MEGF6: variants seen among roughly 807,000 people sequenced by gnomAD.
MEGF6 encodes the protein multiple EGF like domains 6, also known as multiple epidermal growth factor-like domains protein 6.
In MEGF6, 184 loss-of-function variants were observed where a neutral mutation model predicts 207.1. That is an observed-to-expected ratio of 0.89 (90% CI 0.79 to 1.00). The LOEUF (loss-of-function observed/expected upper bound fraction) is 1.00. Ranked by LOEUF, MEGF6 falls within the 50% of genes least tolerant of loss-of-function variation. The pLI is 0.00. For missense variants in MEGF6, 2,282 were observed against 2,202.9 expected (o/e 1.04, Z -0.72); for synonymous variants, 1,038 against 910.0 (o/e 1.14, Z -2.53).
At chr1:3,587,542 G>A (rs1643909284) in intron 3 of MEGF6, among the ~76,000 whole-genome samples, 2 of 152,254 alleles carry the variant, frequency 1.3e-5, no homozygotes, top group Non-Finnish European at 2.9e-5. Context: ...GTGTGGAGCG[G>A]CGGGAGCCTG....
chr1:3,504,832 C>T (rs1641041322), intron 17 of MEGF6, among the ~76,000 whole-genome samples: 2 of 152,168 alleles, frequency 1.3e-5, no homozygotes, highest in African/African-American at 4.8e-5. Flanking sequence ...CCTCTGCTGC[C>T]GGCTCACATG....
intron 4 of MEGF6, among the ~76,000 whole-genome samples, chr1:3,540,283 G>A (rs900607974): frequency 2.0e-5 from 3 of 152,234 alleles, no homozygotes; most frequent in African/African-American, 7.2e-5. Context: ...GACGGAGCAG[G>A]CCTCTGACCA....
At chr1:3,526,732 C>A (rs1641978444) in intron 4 of MEGF6, among the ~76,000 whole-genome samples, 1 of 152,186 alleles carries the variant, frequency 6.6e-6, no homozygotes, top group Non-Finnish European at 1.5e-5. Flanking sequence ...ACCTCACCCA[C>A]CCTGCAGCCG....
intron 4 of MEGF6, among the ~76,000 whole-genome samples, chr1:3,570,155 A>G (rs960092202): frequency 6.6e-6 from 1 of 152,168 alleles, no homozygotes; most frequent in Non-Finnish European, 1.5e-5. Flanking sequence ...ATGGTCGTGG[A>G]GGGGCCACAC....
In MEGF6 at chr1:3,508,684, G is replaced by A; in HGVS notation, c.1534C>T (p.Leu512=). The change falls in exon 13 of 37, where the codon CTG becomes TTG. Residue 512 remains leucine, a synonymous_variant. Coordinates refer to ENST00000356575, the MANE Select transcript of MEGF6 (RefSeq NM_001409.4). ...EHTLTEKFVC[L]DDSFGHDCSL... ...CAGTCATGGCCAAAGGAGTCATCCA[G>A]GCAGACTGGGGGCAGACCAGGATGG... 6.2e-7 allele frequency: 1 copy of A among 1,613,148 alleles called. No individual in the cohort carries two copies. The highest frequency in any genetic ancestry group is 8.5e-7 in the Non-Finnish European group (1 of 1,179,894).
chr1:3,515,504 T>G lies in MEGF6; in HGVS notation c.628A>C (p.Asn210His), dbSNP rs1388991717. ...ACACAGTGGTGCTGGCAGCCGCCAT[T>G]GCCCAGGGCGCAGGAGTTAATGGCT... ...CLAINSCALGNGGCQHHCVQL... is the reference protein window; with the variant it reads ...CLAINSCALGHGGCQHHCVQL... The change falls in exon 6 of 37, where the codon AAT becomes CAT. Residue 210 changes from asparagine (N) to histidine (H), a missense_variant. Coordinates refer to ENST00000356575, the MANE Select transcript of MEGF6 (RefSeq NM_001409.4). 2 of 1,612,646 alleles carry G rather than the reference T, an allele frequency of 1.2e-6. No homozygotes were observed. The highest frequency in any genetic ancestry group is 1.7e-6 in the Non-Finnish European group (2 of 1,179,832).
chr1:3,496,782 T>A lies in MEGF6; in HGVS notation c.3615A>T (p.Arg1205=). 5 of 1,555,694 alleles carry A rather than the reference T, an allele frequency of 3.2e-6. No homozygotes were observed. The highest frequency in any genetic ancestry group is 4.3e-6 in the Non-Finnish European group (5 of 1,149,940). ...AGYHGPSCQQ[R]CPPGRYGPGC... ...CTGGCCCATACCGCCCGGGCGGACATCCTGCAGGGAGAGGGGCTAGCTGCA... is the reference window on the plus strand; with the variant it reads ...CTGGCCCATACCGCCCGGGCGGACAACCTGCAGGGAGAGGGGCTAGCTGCA... Residue 1205 remains arginine (R), a splice_region_variant and synonymous_variant, in exon 29 of 37, where the codon CGA becomes CGT. Coordinates refer to ENST00000356575, the MANE Select transcript of MEGF6 (RefSeq NM_001409.4).
intron 25 of MEGF6, 91 bp from the exon 26 acceptor site, chr1:3,498,590 C>A: frequency 6.7e-7 from 1 of 1,484,876 alleles, no homozygotes; most frequent in Admixed American, 2.2e-5. Flanking sequence ...AGAGCTGAAG[C>A]CTACACCCCA....
intron 4 of MEGF6, among the ~76,000 whole-genome samples, chr1:3,552,284 G>T (rs961473576): frequency 1.3e-5 from 2 of 152,230 alleles, no homozygotes. Flanking sequence ...TCCAGGCTGT[G>T]GGGACATGGC....
chr1:3,514,778 A>C, intron 6 of MEGF6, 106 bp from the exon 7 acceptor site: 4 of 1,275,128 alleles, frequency 3.1e-6, no homozygotes, highest in South Asian at 1.6e-5. Context: ...TGCTCTCCCC[A>C]CTCTGTGCTC....
chr1:3,545,510 G>A (rs923704526), intron 4 of MEGF6, among the ~76,000 whole-genome samples: 1 of 152,162 alleles, frequency 6.6e-6, no homozygotes, highest in African/African-American at 2.4e-5. Flanking sequence ...TACCTGGAGT[G>A]GACAAGGGTG....
intron 4 of MEGF6, among the ~76,000 whole-genome samples, chr1:3,554,392 G>T (rs1335680142): frequency 1.3e-5 from 2 of 152,122 alleles, no homozygotes; most frequent in Non-Finnish European, 2.9e-5. Context: ...GGAGGGGGAC[G>T]GCACTCCAGG....
chr1:3,575,073 G>A (rs1643604348), intron 4 of MEGF6, among the ~76,000 whole-genome samples: 2 of 152,212 alleles, frequency 1.3e-5, no homozygotes, highest in Admixed American at 6.5e-5. Flanking sequence ...GTGACTTCGT[G>A]TACTACAAAA....
At chr1:3,523,082 G>GGC (rs1553195925) in intron 5 of MEGF6, among the ~76,000 whole-genome samples, 15 of 152,188 alleles carry the variant, frequency 9.9e-5, no homozygotes, top group Admixed American at 7.2e-4. Context: ...GCCGGGGGGG[G>GGC]GGCCCCAGGG....
At chr1:3,529,264 C>T (rs1642067073) in intron 4 of MEGF6, among the ~76,000 whole-genome samples, 1 of 152,178 alleles carries the variant, frequency 6.6e-6, no homozygotes, top group African/African-American at 2.4e-5. Flanking sequence ...GGGCCTGAGC[C>T]TGAGGTTAGC....
intron 4 of MEGF6, among the ~76,000 whole-genome samples, chr1:3,525,853 T>A (rs759436089): frequency 1.3e-5 from 2 of 152,134 alleles, no homozygotes; most frequent in African/African-American, 2.4e-5. Context: ...CATGCCACCC[T>A]CCAGGCCCCC....
intron 18 of MEGF6, 30 bp from the exon 19 acceptor site, chr1:3,501,338 C>G (rs763242305): frequency 6.4e-7 from 1 of 1,573,598 alleles, no homozygotes; most frequent in African/African-American, 1.4e-5. Context: ...CCAGTCAGTG[C>G]CCAAGCTGCC....
At chr1:3,561,818 AGT>A (rs1479531397) in intron 4 of MEGF6, among the ~76,000 whole-genome samples, 2 of 152,226 alleles carry the variant, frequency 1.3e-5, no homozygotes, top group Non-Finnish European at 2.9e-5. Context: ...CTTACTCTGA[AGT>A]TACCAGGTTT....
rs1235105211 is a variant in MEGF6, at chr1:3,594,880, C to T, written c.376+458G>A. Among the ~76,000 whole-genome samples the T allele has an allele frequency of 6.6e-6, 1 of 152,222 alleles. No homozygotes were observed. The highest frequency in any genetic ancestry group is 1.5e-5 in the Non-Finnish European group (1 of 68,046). On this transcript the variant is annotated intron_variant, in intron 3 of 36. Coordinates refer to ENST00000356575, the MANE Select transcript of MEGF6 (RefSeq NM_001409.4). This position sits in a 1 kb window ranked among gnomAD's most constrained non-coding sequence, Gnocchi z 4.2. The stretch of plus-strand genomic sequence containing the variant: ...GAGAGGAAGGAGCGGCTCCCTTACA[C>T]CCACTGAAGCTGAGGCCCGCCACCC...
Sources: gnomAD v4.1 joint callset for allele counts (sites outside exome capture counted in the v4.1 genomes callset) on GRCh38, gnomAD v4.1.1 for gene constraint, Gnocchi (gnomAD v3.1) non-coding constraint, MANE v1.5 for transcripts, NCBI Gene and HGNC (gene_info 2026-07-23, HGNC 2026-07-21) for gene names.